SOCS7: variants seen among roughly 807,000 people sequenced by gnomAD.
SOCS7 encodes the protein NAP-4.
Under a neutral mutation model 58.9 loss-of-function variants are expected in SOCS7, and 18 were observed. The ratio of observed to expected loss-of-function variants is 0.31; its 90% CI spans 0.21 to 0.45. The LOEUF (loss-of-function observed/expected upper bound fraction) is 0.45, where lower values mean the gene tolerates loss of function less well. SOCS7 is among the 20% of genes least tolerant of loss of function. The pLI is 1.00. For missense variants in SOCS7, 667 were observed against 837.3 expected (o/e 0.80, Z 2.51); for synonymous variants, 388 against 364.3 (o/e 1.06, Z -0.74).
chr17:38,390,036 C>T (rs1342633973), intron 7 of SOCS7, among the ~76,000 whole-genome samples: 1 of 149,244 alleles, frequency 6.7e-6, no homozygotes, highest in Non-Finnish European at 1.5e-5. Context: ...ATCCTCCCAC[C>T]TCAGCCTCTC....
chr17:38,387,129 G>GTGTGTATATATATATATATA (rs1555570683), intron 7 of SOCS7, among the ~76,000 whole-genome samples: 7 of 64,766 alleles, frequency 1.1e-4, no homozygotes, highest in East Asian at 8.1e-4. Context: ...ATATATATAT[G>GTGTGTATATATATATATATA]TATGTATATA....
intron 3 of SOCS7, 69 bp downstream of exon 3, chr17:38,364,925 TG>T: frequency 2.4e-6 from 3 of 1,234,122 alleles, no homozygotes; most frequent in Non-Finnish European, 2.4e-6. Context: ...TGTTCTTTGC[TG>T]GGGGCCGACC....
In SOCS7 at chr17:38,365,406, C is replaced by T. The variant is rs2037776385; in HGVS notation, c.1249C>T (p.Pro417Ser). The T allele has an allele frequency of 1.2e-6, 2 of 1,607,006 alleles. No homozygotes were observed. The highest frequency in any genetic ancestry group is 1.1e-5 in the South Asian group (1 of 90,100). ...PLPPPPPPHA[P>S]DAFPRIAPIR... ...ACCTCCGCCTCCTCCACCCCATGCC[C>T]CAGGTTAGCTTAGTTTAGAGGCAAG... Residue 417 changes from proline (P) to serine (S), a missense_variant, in exon 4 of 10, where the codon CCA (proline) becomes TCA (serine). Physicochemically the swap from Pro to Ser is moderately conservative, Grantham distance 74. This residue lies in a region of SOCS7 where 99 missense variants were observed against 122.9 expected (regional missense o/e 0.81). Transcript: ENST00000612932.
chr17:38,380,346 T>C (rs1056184418), intron 7 of SOCS7, among the ~76,000 whole-genome samples: 9 of 152,102 alleles, frequency 5.9e-5, no homozygotes, highest in African/African-American at 2.2e-4. Flanking sequence ...ATTAAAATAA[T>C]ATGGCTGGGC....
intron 7 of SOCS7, among the ~76,000 whole-genome samples, chr17:38,394,153 C>T (rs915569450): frequency 6.6e-6 from 1 of 152,212 alleles, no homozygotes; most frequent in Non-Finnish European, 1.5e-5. Flanking sequence ...TGTCTCCATG[C>T]TGTGGCGTGG....
intron 7 of SOCS7, among the ~76,000 whole-genome samples, chr17:38,381,967 A>C (rs1379894690): frequency 2.0e-5 from 3 of 149,906 alleles, no homozygotes; most frequent in Non-Finnish European, 4.4e-5. Context: ...AAAAAAAAAA[A>C]AAAAAAACCT....
intron 1 of SOCS7, 99 bp from the exon 2 acceptor site, chr17:38,361,611 CT>C: frequency 1.1e-6 from 1 of 895,114 alleles, no homozygotes; most frequent in Non-Finnish European, 1.9e-6. Context: ...CTAGGGTTTG[CT>C]TTATTTCTCA....
intron 1 of SOCS7, among the ~76,000 whole-genome samples, chr17:38,357,363 T>C (rs2144313437): frequency 6.6e-6 from 1 of 152,342 alleles, no homozygotes; most frequent in African/African-American, 2.4e-5. Context: ...ATTTTTTCCA[T>C]GAAGTGGTTG....
At chr17:38,363,222 T>C (rs971859719) in intron 2 of SOCS7, among the ~76,000 whole-genome samples, 2 of 152,246 alleles carry the variant, frequency 1.3e-5, no homozygotes, top group African/African-American at 4.8e-5. Context: ...TAGACTGCTC[T>C]GGCCTGTCAG....
chr17:38,395,324 C>T lies in SOCS7; in HGVS notation c.1697C>T (p.Pro566Leu). The part of the protein sequence containing the change: ...RSRVPGLPPT[P>L]VQLLYPVSRF... Reference sequence around the variant, plus strand: ...TTTCTTGAAGGACTGCCACCAACTCCTGTCCAGCTGCTCTATCCAGTGTCC... The same window carrying T: ...TTTCTTGAAGGACTGCCACCAACTCTTGTCCAGCTGCTCTATCCAGTGTCC... The change falls in exon 8 of 10, where the codon CCT (proline) becomes CTT (leucine). Residue 566 changes from proline to leucine, a missense_variant. This residue lies in a region of SOCS7 where 76 missense variants were observed against 194.5 expected (regional missense o/e 0.39). Coordinates refer to ENST00000612932, the MANE Select transcript of SOCS7 (RefSeq NM_014598.4). 1 of 1,614,116 alleles carries T rather than the reference C, an allele frequency of 6.2e-7. No homozygotes were observed. Among genetic ancestry groups the T allele is most frequent in the Non-Finnish European group, 8.5e-7 (1 of 1,179,998 alleles).
chr17:38,366,602 T>A (rs1296496242), intron 5 of SOCS7, among the ~76,000 whole-genome samples, 185 bp downstream of exon 5: 1 of 152,222 alleles, frequency 6.6e-6, no homozygotes, highest in Non-Finnish European at 1.5e-5. Context: ...CAAAGGATCC[T>A]TCTGCCTCAG....
At chr17:38,379,157 C>CAAA (rs1173083126) in intron 7 of SOCS7, among the ~76,000 whole-genome samples, 1 of 47,472 alleles carries the variant, frequency 2.1e-5, no homozygotes. Flanking sequence ...GACCCTGTCT[C>CAAA]AAAAAAAAAA....
At chr17:38,366,029 G>GT in intron 4 of SOCS7, 8 of 1,271,680 alleles carry the variant, frequency 6.3e-6, no homozygotes, top group Non-Finnish European at 7.9e-6. Flanking sequence ...AGTCACCTTA[G>GT]TAAGGTTAGT....
chr17:38,353,857 C>T (rs1481905835), intron 1 of SOCS7, among the ~76,000 whole-genome samples: 6 of 152,118 alleles, frequency 3.9e-5, no homozygotes, highest in African/African-American at 7.2e-5. Context: ...GCCCAGGAGG[C>T]GGAGGTTGCA....
At chr17:38,361,664 G>A in intron 1 of SOCS7, 47 bp from the exon 2 acceptor site, 2 of 1,417,814 alleles carry the variant, frequency 1.4e-6, no homozygotes, top group Non-Finnish European at 2.0e-6. Flanking sequence ...AAATGCATAT[G>A]TGTTCATTTC....
intron 7 of SOCS7, among the ~76,000 whole-genome samples, chr17:38,387,772 C>CTT (rs199830504): frequency 3.4e-5 from 4 of 116,144 alleles, no homozygotes; most frequent in Admixed American, 9.0e-5. Flanking sequence ...TAATGGCTTT[C>CTT]TTTTTTTTTT....
chr17:38,360,485 C>T (rs587659844), intron 1 of SOCS7, among the ~76,000 whole-genome samples: 36 of 151,762 alleles, frequency 2.4e-4, no homozygotes, highest in Non-Finnish European at 5.0e-4. Flanking sequence ...GCCACTGTGC[C>T]CAGCCAGCAT....
intron 9 of SOCS7, among the ~76,000 whole-genome samples, chr17:38,397,546 T>C (rs2038260651): frequency 6.6e-6 from 1 of 152,192 alleles, no homozygotes; most frequent in South Asian, 2.1e-4. Flanking sequence ...AGGACCAAAA[T>C]GAATGTAAGT....
At chr17:38,378,412 G>A (rs913188816) in intron 7 of SOCS7, among the ~76,000 whole-genome samples, 2 of 152,132 alleles carry the variant, frequency 1.3e-5, no homozygotes, top group East Asian at 3.8e-4. Context: ...TAGTTGGGAG[G>A]CTGAGGTGGG....
Sources: gnomAD v4.1 joint callset for allele counts (sites outside exome capture counted in the v4.1 genomes callset) on GRCh38, gnomAD v4.1.1 for gene constraint, gnomAD v4.1.1 regional missense constraint, MANE v1.5 for transcripts, NCBI Gene and HGNC (gene_info 2026-07-23, HGNC 2026-07-21) for gene names.